The following SNTG1 variants were observed in gnomAD, a reference collection of about 807,000 sequenced individuals.
SNTG1 encodes syntrophin gamma 1.
A neutral mutation model predicts 74.7 loss-of-function variants in SNTG1; 39 were observed. The observed-to-expected ratio is 0.52, with a 90% CI of 0.40 to 0.68. SNTG1 has a LOEUF of 0.68. Ranked by LOEUF, SNTG1 falls within the 30% of genes least tolerant of loss-of-function variation. The pLI is 0.00. For missense variants in SNTG1, 685 were observed against 609.5 expected (o/e 1.12, Z -1.30); for synonymous variants, 254 against 217.1 (o/e 1.17, Z -1.49).
intron 2 of SNTG1, among the ~76,000 whole-genome samples, chr8:50,191,362 C>T (rs1265129249): frequency 6.6e-6 from 1 of 152,054 alleles, no homozygotes; most frequent in Non-Finnish European, 1.5e-5. Context: ...CAAATCGTTG[C>T]TAATTTTGAA....
intron 1 of SNTG1, among the ~76,000 whole-genome samples, chr8:49,947,197 A>C (rs897667377): frequency 9.2e-5 from 14 of 152,260 alleles, no homozygotes; most frequent in Non-Finnish European, 1.6e-4. Context: ...GCTACTTGGG[A>C]GGCTAAGGCA....
At chr8:50,716,485 T>A (rs2095475308) in intron 17 of SNTG1, among the ~76,000 whole-genome samples, 1 of 152,122 alleles carries the variant, frequency 6.6e-6, no homozygotes, top group Non-Finnish European at 1.5e-5. Context: ...CTTCTTCAGA[T>A]AAATTATTTC....
At chr8:50,319,350 C>A (rs1216307520) in intron 2 of SNTG1, among the ~76,000 whole-genome samples, 2 of 148,364 alleles carry the variant, frequency 1.3e-5, no homozygotes, top group Admixed American at 7.0e-5. Flanking sequence ...GGGGACAAAG[C>A]AAGACTCCTT....
intron 17 of SNTG1, among the ~76,000 whole-genome samples, chr8:50,711,335 A>G (rs1168230253): frequency 6.6e-6 from 1 of 152,140 alleles, no homozygotes; most frequent in Non-Finnish European, 1.5e-5. Flanking sequence ...TGGATTCAGG[A>G]GAGTTTACCC....
chr8:50,014,003 A>G (rs1816074083), intron 1 of SNTG1, among the ~76,000 whole-genome samples: 1 of 152,110 alleles, frequency 6.6e-6, no homozygotes, highest in African/African-American at 2.4e-5. Context: ...TCTCAGAAAA[A>G]TAACCAAAGC....
At chr8:49,935,593 G>A (rs370953885) in intron 1 of SNTG1, among the ~76,000 whole-genome samples, 2 of 151,160 alleles carry the variant, frequency 1.3e-5, no homozygotes, top group African/African-American at 2.4e-5. Flanking sequence ...ATGCACACCG[G>A]CTCCCATTTT....
At chr8:50,539,465 A>G (rs1488870605) in intron 11 of SNTG1, among the ~76,000 whole-genome samples, 1 of 152,142 alleles carries the variant, frequency 6.6e-6, no homozygotes, top group East Asian at 1.9e-4. Context: ...TGGAGGTAGA[A>G]GCTCAGCTCC....
intron 1 of SNTG1, among the ~76,000 whole-genome samples, chr8:50,054,760 C>T (rs1819881263): frequency 6.6e-6 from 1 of 152,144 alleles, no homozygotes; most frequent in Non-Finnish European, 1.5e-5. Flanking sequence ...CAACCTTGAA[C>T]TCTTGGGTCC....
intron 1 of SNTG1, among the ~76,000 whole-genome samples, chr8:50,053,195 T>G (rs533751610): frequency 6.6e-6 from 1 of 152,108 alleles, no homozygotes; most frequent in Non-Finnish European, 1.5e-5. Context: ...CATTAACTGA[T>G]GAATGGATGA....
At chr8:50,439,217 A>G (rs2093335495) in intron 5 of SNTG1, among the ~76,000 whole-genome samples, 1 of 152,140 alleles carries the variant, frequency 6.6e-6, no homozygotes, top group East Asian at 1.9e-4. Flanking sequence ...GAAATAAAGG[A>G]TAAATTTTTA....
At chr8:50,282,835 C>T (rs946056654) in intron 2 of SNTG1, among the ~76,000 whole-genome samples, 4 of 152,018 alleles carry the variant, frequency 2.6e-5, no homozygotes, top group South Asian at 4.2e-4. Context: ...ATGTACATTC[C>T]TAGTATGACA....
intron 17 of SNTG1, among the ~76,000 whole-genome samples, chr8:50,730,053 T>C (rs1023251085): frequency 1.3e-5 from 2 of 151,880 alleles, no homozygotes; most frequent in South Asian, 4.1e-4. Flanking sequence ...ATGAGAGCGA[T>C]TGGGAAGAGA....
chr8:50,135,272 G>A (rs566333335), intron 1 of SNTG1, among the ~76,000 whole-genome samples: 4 of 152,076 alleles, frequency 2.6e-5, no homozygotes, highest in South Asian at 2.1e-4. Flanking sequence ...TACTTGAATC[G>A]GACTCTAAAT....
At chr8:50,167,322 AT>A (rs2082655583) in intron 1 of SNTG1, among the ~76,000 whole-genome samples, 1 of 148,068 alleles carries the variant, frequency 6.8e-6, no homozygotes, top group African/African-American at 2.5e-5. Context: ...AAAAAATAAA[AT>A]AAAATAAAAT....
At chr8:50,673,253 T>C (rs898776403) in intron 15 of SNTG1, among the ~76,000 whole-genome samples, 10 of 152,204 alleles carry the variant, frequency 6.6e-5, no homozygotes, top group Non-Finnish European at 4.4e-5. Flanking sequence ...ATTGAATCTA[T>C]AAATTAATTT....
intron 12 of SNTG1, chr8:50,569,016 T>G (rs2094531926): frequency 6.6e-6 from 1 of 152,174 alleles, no homozygotes; most frequent in Non-Finnish European, 1.5e-5. Flanking sequence ...TCCCCTTGTA[T>G]CAGGTAAGAG....
chr8:50,372,326 T>TAAA, intron 2 of SNTG1, among the ~76,000 whole-genome samples: 1 of 151,850 alleles, frequency 6.6e-6, no homozygotes, highest in East Asian at 1.9e-4. Context: ...TAAAATATCT[T>TAAA]ATATAATATA....
chr8:49,941,326 A>G (rs1344981865), intron 1 of SNTG1, among the ~76,000 whole-genome samples: 1 of 152,030 alleles, frequency 6.6e-6, no homozygotes, highest in Non-Finnish European at 1.5e-5. Flanking sequence ...AGTTGTCTTT[A>G]TGGAACTCCT....
chr8:50,784,634 C>T (rs1164452767), intron 18 of SNTG1, among the ~76,000 whole-genome samples: 1 of 152,120 alleles, frequency 6.6e-6, no homozygotes, highest in African/African-American at 2.4e-5. Flanking sequence ...AGCAATTAAG[C>T]AGAAGAGTAA....
Sources: allele counts gnomAD v4.1 joint callset (sites outside exome capture counted in the v4.1 genomes callset), GRCh38; gene constraint gnomAD v4.1.1; transcripts MANE v1.5; gene names NCBI Gene and HGNC (gene_info 2026-07-23, HGNC 2026-07-21).